The following MAP2 variants were observed in gnomAD, a reference collection of about 807,000 sequenced individuals.
MAP2 encodes microtubule-associated protein 2.
In MAP2, 14 loss-of-function variants were observed where a neutral mutation model predicts 137.6. The observed-to-expected ratio is 0.10, with a 90% CI of 0.07 to 0.16. The LOEUF (loss-of-function observed/expected upper bound fraction) is 0.16. MAP2 is among the 10% of genes least tolerant of loss of function. MAP2 has a pLI of 1.00. For synonymous variants in MAP2, 786 were observed against 782.3 expected, an observed-to-expected ratio of 1.00 and a Z score of -0.08; for missense variants, 2,088 against 2,191.5, an observed-to-expected ratio of 0.95 and a Z score of 0.94.
chr2:209,490,627 A>G (rs1414205159), intron 1 of MAP2, among the ~76,000 whole-genome samples: 123 of 144,850 alleles, frequency 8.5e-4, no homozygotes, highest in African/African-American at 3.0e-3. Context: ...AAAAAAAAAA[A>G]AAAAAAAAGC....
intron 5 of MAP2, among the ~76,000 whole-genome samples, chr2:209,670,005 C>T (rs1306754964): frequency 6.6e-6 from 1 of 151,920 alleles, no homozygotes; most frequent in Non-Finnish European, 1.5e-5. Flanking sequence ...AATCCAATTT[C>T]CCCACATCTA....
intron 2 of MAP2, among the ~76,000 whole-genome samples, chr2:209,539,711 CT>C (rs539231707): frequency 0.052 from 7,755 of 150,080 alleles, 295 homozygotes; most frequent in African/African-American, 0.1. Flanking sequence ...TAACAATCTG[CT>C]TTTTTTTTAT....
rs1559157038 is a variant in MAP2, at chr2:209,434,854, ATATATATGT to A, written c.-222+10586_-222+10594del. On this transcript the variant is annotated intron_variant, in intron 1 of 15. Coordinates refer to ENST00000682079, the MANE Select transcript of MAP2 (RefSeq NM_001375505.1). ...CTCTCTATATATATATATATGTTAT[ATATATATGT>A]TATATATATGTTATATATATGTTAT... Among the ~76,000 whole-genome samples the A allele has an allele frequency of 4.6e-5, 5 of 109,874 alleles. 1 individual carries two copies. Among genetic ancestry groups the A allele is most frequent in the East Asian group, 2.1e-4 (1 of 4,800 alleles). The allele number at this position is 109,874 out of a possible 152,430, so 72.1% of individuals were successfully genotyped here. A position where few individuals can be genotyped will look rare whatever the true frequency, so the allele number is the denominator to read the frequency against.
intron 13 of MAP2, among the ~76,000 whole-genome samples, chr2:209,718,529 T>C (rs1468511282): frequency 6.6e-6 from 1 of 152,044 alleles, no homozygotes; most frequent in Non-Finnish European, 1.5e-5. Context: ...TACGTAAAAA[T>C]GGGTCCAGTG....
chr2:209,433,571 T>A (rs537353347), intron 1 of MAP2, among the ~76,000 whole-genome samples: 1 of 152,256 alleles, frequency 6.6e-6, no homozygotes, highest in South Asian at 2.1e-4. Context: ...AAGCAGAATT[T>A]TTTTAGAATC....
intron 1 of MAP2, among the ~76,000 whole-genome samples, chr2:209,486,239 C>CTT (rs11395434): frequency 1.6e-3 from 242 of 150,442 alleles, no homozygotes; most frequent in Non-Finnish European, 1.5e-3. Flanking sequence ...GAAATCTTTT[C>CTT]TTTTTTTTTA....
intron 1 of MAP2, among the ~76,000 whole-genome samples, chr2:209,428,764 G>A (rs1693295588): frequency 6.6e-6 from 1 of 151,446 alleles, no homozygotes; most frequent in Non-Finnish European, 1.5e-5. Context: ...CTTTCATAAC[G>A]CTTTGTACCT....
intron 5 of MAP2, among the ~76,000 whole-genome samples, chr2:209,669,225 G>A (rs552282833): frequency 3.3e-5 from 5 of 152,038 alleles, no homozygotes; most frequent in Non-Finnish European, 5.9e-5. Flanking sequence ...GTTATAGGAC[G>A]GGAAGGAGGT....
At position 209,733,041 on chromosome 2, in the gene MAP2, G is replaced by T. The variant is rs768590512; in HGVS notation, c.*2644G>T. On this transcript the variant is annotated 3_prime_UTR_variant, in exon 16 of 16. Transcript: ENST00000682079. ...AGCTTTTTGAGCACCACTCTTGTGG[G>T]GACACACATACGCTGATCTAGGAAT... 6.6e-6 allele frequency: 1 copy of T among 152,398 alleles called. No individual in the cohort carries two copies. The highest frequency in any genetic ancestry group is 2.4e-5 in the African/African-American group (1 of 41,362). 9.4% of individuals were successfully genotyped at this position (152,398 alleles called of 1,614,324 possible).
chr2:209,527,781 C>T (rs1054475820), intron 2 of MAP2, among the ~76,000 whole-genome samples: 2 of 152,142 alleles, frequency 1.3e-5, no homozygotes, highest in African/African-American at 4.8e-5. Context: ...TCTTTGGGCT[C>T]CACCCCAGAC....
rs985592219 is a variant in MAP2, at chr2:209,594,424, T to C, written c.-107+14324T>C. 5.9e-5 allele frequency among the ~76,000 whole-genome samples: 9 copies of C among 152,308 alleles called. No homozygotes were observed. In the South Asian group the frequency reaches 6.2e-4, roughly 11 times the overall value. On this transcript the variant is annotated intron_variant, in intron 3 of 15. Transcript: ENST00000682079. Reference sequence around the variant, plus strand: ...ATGAATTGCCATGATGTTGCTCCCATAGTCCTCTAGGACTCTGTATTTGAT... The same window carrying C: ...ATGAATTGCCATGATGTTGCTCCCACAGTCCTCTAGGACTCTGTATTTGAT...
chr2:209,589,175 AT>A (rs907930202), intron 3 of MAP2, among the ~76,000 whole-genome samples: 5 of 152,190 alleles, frequency 3.3e-5, no homozygotes, highest in African/African-American at 9.7e-5. Flanking sequence ...ACAAAAAAAA[AT>A]AATCACTTCT....
At chr2:209,503,006 T>C (rs1259873844) in intron 1 of MAP2, among the ~76,000 whole-genome samples, 1 of 99,774 alleles carries the variant, frequency 1.0e-5, no homozygotes, top group Admixed American at 1.0e-4. Flanking sequence ...TTTCTTTTTT[T>C]TTTTTTTTTT....
At chr2:209,580,639 C>T (rs1252584046) in intron 3 of MAP2, among the ~76,000 whole-genome samples, 3 of 151,956 alleles carry the variant, frequency 2.0e-5, no homozygotes, top group Admixed American at 6.6e-5. Flanking sequence ...ATTTAAAGGC[C>T]GAGGTTGTTA....
At chr2:209,667,909 C>T (rs1268570216) in intron 5 of MAP2, among the ~76,000 whole-genome samples, 1 of 152,012 alleles carries the variant, frequency 6.6e-6, no homozygotes, top group Non-Finnish European at 1.5e-5. Flanking sequence ...TCATTTTCTT[C>T]AAGTCAGCAG....
intron 5 of MAP2, among the ~76,000 whole-genome samples, chr2:209,675,249 C>G (rs1019450650): frequency 6.6e-5 from 10 of 151,638 alleles, no homozygotes; most frequent in African/African-American, 2.4e-4. Context: ...TTTTTTTTAA[C>G]AACTTTTGGT....
At chr2:209,436,549 A>G (rs1696347154) in intron 1 of MAP2, among the ~76,000 whole-genome samples, 1 of 151,798 alleles carries the variant, frequency 6.6e-6, no homozygotes, top group African/African-American at 2.4e-5. Flanking sequence ...ACATGAATCC[A>G]GAAAATGGCT....
chr2:209,603,098 A>G (rs1177284358), intron 3 of MAP2, among the ~76,000 whole-genome samples: 1 of 152,150 alleles, frequency 6.6e-6, no homozygotes, highest in African/African-American at 2.4e-5. Context: ...CCATGTTTTC[A>G]TTTAGCTGCA....
intron 12 of MAP2, among the ~76,000 whole-genome samples, chr2:209,706,839 A>C (rs2063577838): frequency 6.6e-6 from 1 of 152,130 alleles, no homozygotes; most frequent in African/African-American, 2.4e-5. Context: ...TTTGCCTACA[A>C]GAAAAGTGTT....
Sources: gnomAD v4.1 joint callset for allele counts (sites outside exome capture counted in the v4.1 genomes callset) on GRCh38, gnomAD v4.1.1 for gene constraint, MANE v1.5 for transcripts, NCBI Gene and HGNC (gene_info 2026-07-23, HGNC 2026-07-21) for gene names.